Variants in NRG3 observed in about 807,000 individuals in gnomAD.
The protein encoded by NRG3 is pro-neuregulin-3, membrane-bound isoform.
Under a neutral mutation model 66.9 loss-of-function variants are expected in NRG3, and 31 were observed. The observed-to-expected ratio is 0.46, with a 90% CI of 0.35 to 0.63. The LOEUF (loss-of-function observed/expected upper bound fraction) is 0.63. Among genes scored for constraint, NRG3 ranks in the 20% least tolerant of loss-of-function variants. NRG3 has a pLI of 0.00. For missense variants in NRG3, 910 were observed against 878.9 expected (o/e 1.04, Z -0.45); for synonymous variants, 393 against 359.4 (o/e 1.09, Z -1.06).
intron 1 of NRG3, chr10:82,166,801 G>A (rs2072096256): frequency 1.5e-6 from 1 of 677,948 alleles, no homozygotes; most frequent in African/African-American, 1.8e-5. Context: ...GTGTGGGTCT[G>A]CTGCTGACGA....
chr10:82,279,132 A>C (rs1252067772), intron 1 of NRG3, among the ~76,000 whole-genome samples: 1 of 152,198 alleles, frequency 6.6e-6, no homozygotes, highest in Non-Finnish European at 1.5e-5. Flanking sequence ...TCTCATAAAT[A>C]GTCATTTCAC....
At chr10:82,285,135 C>T (rs543822062) in intron 1 of NRG3, among the ~76,000 whole-genome samples, 80 of 152,190 alleles carry the variant, frequency 5.3e-4, no homozygotes, top group African/African-American at 1.8e-3. Flanking sequence ...AAATGTTTAG[C>T]CCCGAGCAAA....
rs1255837184 is a variant in NRG3, at chr10:81,913,041, TA to T, written c.823+36881del. On this transcript the variant is annotated intron_variant, in intron 1 of 8. Coordinates refer to ENST00000372141, the MANE Select transcript of NRG3 (RefSeq NM_001010848.4). ...CCCCTAGTTTTAATTTCCAAATCTT[TA>T]AAGGGAGATGATTGTAGGCAATGTC... Among the ~76,000 whole-genome samples the T allele has an allele frequency of 2.0e-5, 3 of 151,752 alleles. No homozygotes were observed. In the East Asian group the frequency reaches 5.9e-4, roughly 30 times the overall value.
chr10:82,600,394 T>G (rs929059670), intron 2 of NRG3, among the ~76,000 whole-genome samples: 6 of 152,250 alleles, frequency 3.9e-5, no homozygotes, highest in African/African-American at 1.2e-4. Context: ...TAATATACTA[T>G]TATAGTCCTT....
At chr10:82,064,312 A>G (rs1040750266) in intron 1 of NRG3, among the ~76,000 whole-genome samples, 1 of 152,136 alleles carries the variant, frequency 6.6e-6, no homozygotes, top group African/African-American at 2.4e-5. Context: ...ATGGAGATCC[A>G]TTTAAGTGAA....
intron 2 of NRG3, among the ~76,000 whole-genome samples, chr10:82,626,341 G>T (rs1449473107): frequency 6.6e-6 from 1 of 152,156 alleles, no homozygotes; most frequent in Non-Finnish European, 1.5e-5. Flanking sequence ...CCTACCGGCT[G>T]TATGGACCCT....
chr10:82,730,107 A>G (rs2057821684), intron 2 of NRG3, among the ~76,000 whole-genome samples: 1 of 131,694 alleles, frequency 7.6e-6, no homozygotes, highest in Non-Finnish European at 1.5e-5. Flanking sequence ...TTTTTTTGAG[A>G]CGGAGTCTCG....
At chr10:82,265,493 TA>T (rs1414287881) in intron 1 of NRG3, among the ~76,000 whole-genome samples, 2 of 152,204 alleles carry the variant, frequency 1.3e-5, no homozygotes, top group Non-Finnish European at 2.9e-5. Context: ...GTGAATATAC[TA>T]GGGTAAGAAA....
At chr10:82,374,825 A>C (rs1261484854) in intron 2 of NRG3, among the ~76,000 whole-genome samples, 1 of 152,150 alleles carries the variant, frequency 6.6e-6, no homozygotes, top group African/African-American at 2.4e-5. Context: ...CAGCCCAGCA[A>C]TTATGCCAGA....
intron 2 of NRG3, among the ~76,000 whole-genome samples, chr10:82,547,608 T>C (rs1013981124): frequency 4.6e-5 from 7 of 151,590 alleles, no homozygotes; most frequent in African/African-American, 1.5e-4. Context: ...TATGTATATA[T>C]GTACATATAC....
chr10:82,371,482 C>T (rs1564847979), intron 2 of NRG3, among the ~76,000 whole-genome samples: 1 of 152,052 alleles, frequency 6.6e-6, no homozygotes. Flanking sequence ...TCCGAGTCCA[C>T]TGTAAAGTGG....
At chr10:81,877,382 A>T (rs1841766577) in intron 1 of NRG3, among the ~76,000 whole-genome samples, 1 of 152,210 alleles carries the variant, frequency 6.6e-6, no homozygotes, top group African/African-American at 2.4e-5. Context: ...TTTTGCAAAA[A>T]ACTGTCTGGT....
Position 82,687,290 on chromosome 10 carries a change from A to T in NRG3, c.954-51287A>T, listed in dbSNP as rs531096169. Among the ~76,000 whole-genome samples the T allele has an allele frequency of 4.6e-5, 7 of 152,192 alleles. No homozygotes were observed. In the South Asian group the frequency reaches 1.5e-3, roughly 32 times the overall value. ...GTCAGCTTTTATATTTTTCTCTATG[A>T]TCAAGGAGTTCATACGGCTGCTCCT... On this transcript the variant is annotated intron_variant, in intron 2 of 8. Transcript: ENST00000372141.
intron 6 of NRG3, among the ~76,000 whole-genome samples, chr10:82,961,102 T>A (rs1850595505): frequency 6.6e-6 from 1 of 152,170 alleles, no homozygotes; most frequent in African/African-American, 2.4e-5. Flanking sequence ...GTTAGTTGAA[T>A]TTCCATACAT....
intron 4 of NRG3, among the ~76,000 whole-genome samples, chr10:82,943,755 G>A (rs1413282526): frequency 6.6e-6 from 1 of 152,034 alleles, no homozygotes; most frequent in Non-Finnish European, 1.5e-5. Flanking sequence ...GCTTTATTAG[G>A]TTTCTAGGTA....
At chr10:81,878,914 A>T (rs1477769053) in intron 1 of NRG3, among the ~76,000 whole-genome samples, 1 of 152,188 alleles carries the variant, frequency 6.6e-6, no homozygotes, top group Non-Finnish European at 1.5e-5. Context: ...GGAGTGGAAG[A>T]GGCTGGTTCA....
At chr10:82,956,765 T>C (rs1850089364) in intron 5 of NRG3, among the ~76,000 whole-genome samples, 1 of 151,902 alleles carries the variant, frequency 6.6e-6, no homozygotes, top group African/African-American at 2.4e-5. Context: ...TTTTTGTGTG[T>C]GCGAATGAAC....
intron 1 of NRG3, among the ~76,000 whole-genome samples, chr10:82,323,933 C>T (rs1400542013): frequency 6.6e-6 from 1 of 152,078 alleles, no homozygotes; most frequent in African/African-American, 2.4e-5. Context: ...GGTGCGATCT[C>T]GGCTCACTGC....
intron 3 of NRG3, among the ~76,000 whole-genome samples, chr10:82,749,135 G>A (rs541305629): frequency 1.3e-5 from 2 of 152,170 alleles, no homozygotes; most frequent in South Asian, 4.2e-4. Flanking sequence ...GTTTTGTCTT[G>A]ACAGTTGCAA....
Sources: gnomAD v4.1 joint callset for allele counts (sites outside exome capture counted in the v4.1 genomes callset) on GRCh38, gnomAD v4.1.1 for gene constraint, MANE v1.5 for transcripts, NCBI Gene and HGNC (gene_info 2026-07-23, HGNC 2026-07-21) for gene names.